Variants in USP31 observed in about 807,000 individuals in gnomAD.
USP31 encodes ubiquitin carboxyl-terminal hydrolase 31.
In USP31, 44 loss-of-function variants were observed where a neutral mutation model predicts 119.4. The observed-to-expected ratio is 0.37, with a 90% confidence interval of 0.29 to 0.47. The LOEUF (loss-of-function observed/expected upper bound fraction) is 0.47, where lower values mean the gene tolerates loss of function less well. Among genes scored for constraint, USP31 ranks in the 20% least tolerant of loss-of-function variants. The pLI is 0.99. For missense variants in USP31, 1,643 were observed against 1,730.2 expected (o/e 0.95, Z 0.89); for synonymous variants, 749 against 705.6 (o/e 1.06, Z -0.97).
At chr16:23,140,004 C>CTCCTT (rs750116295) in intron 1 of USP31, among the ~76,000 whole-genome samples, 72 of 152,098 alleles carry the variant, frequency 4.7e-4, no homozygotes, top group Non-Finnish European at 9.9e-4. Flanking sequence ...ACCTTTCCTC[C>CTCCTT]TCCTTTTCCT....
chr16:23,109,345 G>A (rs1199613805), intron 1 of USP31, among the ~76,000 whole-genome samples: 3 of 152,074 alleles, frequency 2.0e-5, no homozygotes, highest in South Asian at 2.1e-4. Flanking sequence ...AGGGACACAG[G>A]AACCAATCTA....
Position 23,087,762 on chromosome 16 carries a change from T to G in USP31, c.1489A>C (p.Lys497Gln). ...WDLLQKEILE[K>Q]MKYFLRPTVC... is the part of the protein sequence containing the mutation. ...GTGGGCCTCAAGAAATACTTCATCT[T>G]CTCCAAGATTTCCTTCTGCAGAAGG... The change falls in exon 8 of 16, where the codon AAG (lysine) becomes CAG (glutamine). Residue 497 changes from lysine to glutamine, a missense_variant. Around this residue, in one of 5 missense-constraint regions of USP31, gnomAD observed 219 missense variants for 226.4 expected, o/e 0.97. Coordinates refer to ENST00000219689, the MANE Select transcript of USP31 (RefSeq NM_020718.4). The G allele has an allele frequency of 3.7e-6, 6 of 1,614,106 alleles. No homozygotes were observed. The highest frequency in any genetic ancestry group is 5.1e-6 in the Non-Finnish European group (6 of 1,180,022).
At chr16:23,114,493 A>C (rs1034451108) in intron 1 of USP31, among the ~76,000 whole-genome samples, 3 of 152,146 alleles carry the variant, frequency 2.0e-5, no homozygotes, top group Non-Finnish European at 4.4e-5. Flanking sequence ...TAGACATTCC[A>C]AACAAATTAA....
At chr16:23,138,175 T>C (rs1189752435) in intron 1 of USP31, among the ~76,000 whole-genome samples, 1 of 152,200 alleles carries the variant, frequency 6.6e-6, no homozygotes, top group East Asian at 1.9e-4. Flanking sequence ...GTTTACATCG[T>C]TGGTTGGGAA....
chr16:23,104,898 CA>C (rs1486259624), intron 5 of USP31, among the ~76,000 whole-genome samples: 1 of 152,138 alleles, frequency 6.6e-6, no homozygotes, highest in African/African-American at 2.4e-5. Flanking sequence ...ACATTTACCC[CA>C]AAAAGGGATG....
At chr16:23,104,698 C>G (rs1375485378) in intron 5 of USP31, among the ~76,000 whole-genome samples, 3 of 152,222 alleles carry the variant, frequency 2.0e-5, no homozygotes, top group Non-Finnish European at 4.4e-5. Context: ...TACACAGTAG[C>G]TTCCAGAAGC....
chr16:23,141,868 T>A (rs1197658941), intron 1 of USP31, among the ~76,000 whole-genome samples: 1 of 152,204 alleles, frequency 6.6e-6, no homozygotes, highest in African/African-American at 2.4e-5. Context: ...AAAATCAAAT[T>A]TGTAGATGCT....
chr16:23,078,338 A>G (rs978504618), intron 13 of USP31, among the ~76,000 whole-genome samples: 1 of 150,322 alleles, frequency 6.7e-6, no homozygotes, highest in South Asian at 2.1e-4. Context: ...AAAAGTATTT[A>G]TAAAAAATTA....
At chr16:23,130,548 G>A (rs1294566149) in intron 1 of USP31, among the ~76,000 whole-genome samples, 3 of 152,140 alleles carry the variant, frequency 2.0e-5, no homozygotes, top group Non-Finnish European at 4.4e-5. Context: ...AATGAGGGCC[G>A]GAACTACAGG....
In USP31 at chr16:23,067,973, G is replaced by A; in HGVS notation, c.*73C>T. On this transcript the variant is annotated 3_prime_UTR_variant, in exon 16 of 16. Coordinates refer to ENST00000219689, the MANE Select transcript of USP31 (RefSeq NM_020718.4). ...AAAAGTACAAAACAAAAGCACAGGA[G>A]GCTTTGGTGGGAGGGCAGGGGTTCT... The A allele has an allele frequency of 6.6e-7, 1 of 1,517,818 alleles. No individual in the cohort carries two copies. The highest frequency in any genetic ancestry group is 1.3e-5 in the South Asian group (1 of 74,938). The allele number at this position is 1,517,818 out of a possible 1,614,324, so 94.0% of individuals were successfully genotyped here.
chr16:23,068,551 C>T lies in USP31; in HGVS notation c.3554G>A (p.Arg1185Gln), dbSNP rs137891895. ...KPNSPRVSQA[R>Q]AGEGRGAGKH... Reference sequence around the variant, plus strand: ...CCCGGCCCCCCTGCCCTCCCCTGCTCGGGCCTGGCTCACCCGAGGGGAATT... The same window carrying T: ...CCCGGCCCCCCTGCCCTCCCCTGCTTGGGCCTGGCTCACCCGAGGGGAATT... The change falls in exon 16 of 16, where the codon CGA (arginine) becomes CAA (glutamine). Residue 1185 changes from arginine to glutamine, a missense_variant. By Grantham distance (43) the Arg-to-Gln change is conservative. This residue lies in a region of USP31 where 699 missense variants were observed against 650.9 expected (regional missense o/e 1.07). Transcript: ENST00000219689. The T allele has an allele frequency of 2.5e-5, 41 of 1,613,992 alleles. No homozygotes were observed. The African/African-American group carries it at 2.9e-4, about 12-fold the overall frequency.
chr16:23,117,982 T>C (rs1417100992), intron 1 of USP31, among the ~76,000 whole-genome samples: 1 of 152,128 alleles, frequency 6.6e-6, no homozygotes, highest in Non-Finnish European at 1.5e-5. Context: ...AGAGATGGGG[T>C]TTCACCATGT....
intron 1 of USP31, among the ~76,000 whole-genome samples, chr16:23,142,246 T>C (rs958821972): frequency 1.3e-5 from 2 of 152,202 alleles, no homozygotes; most frequent in African/African-American, 4.8e-5. Flanking sequence ...GTGGTAAACA[T>C]CAGCTCAAAG....
Position 23,149,428 on chromosome 16 carries a change from C to A in USP31, c.-158G>T, listed in dbSNP as rs1903658652. ...GCCGAGCCAGCGAGCGAGCGGCGGC[C>A]GGCGGGGCCAGCGGGCGCGCGCGCG... On this transcript the variant is annotated 5_prime_UTR_variant, in exon 1 of 16. Coordinates refer to ENST00000219689, the MANE Select transcript of USP31 (RefSeq NM_020718.4). 6.7e-6 allele frequency among the ~76,000 whole-genome samples: 1 copy of A among 148,164 alleles called. No individual in the cohort carries two copies. The highest frequency in any genetic ancestry group is 2.4e-5 in the African/African-American group (1 of 41,026).
chr16:23,100,530 TG>T (rs1324749530), intron 6 of USP31, among the ~76,000 whole-genome samples: 1 of 151,934 alleles, frequency 6.6e-6, no homozygotes, highest in Non-Finnish European at 1.5e-5. Flanking sequence ...CCCAGCACTT[TG>T]GGAGGCTGAG....
In USP31 at chr16:23,143,595, GA is replaced by G. The variant is rs1449991698; in HGVS notation, c.633+5042del. 4.4e-4 allele frequency among the ~76,000 whole-genome samples: 62 copies of G among 140,044 alleles called. No individual in the cohort carries two copies. The East Asian group carries it at 5.1e-3, about 12-fold the overall frequency. The allele number at this position is 140,044 out of a possible 152,430, so 91.9% of individuals were successfully genotyped here. A position where few individuals can be genotyped will look rare whatever the true frequency, so the allele number is the denominator to read the frequency against. On this transcript the variant is annotated intron_variant, in intron 1 of 15. Coordinates refer to ENST00000219689, the MANE Select transcript of USP31 (RefSeq NM_020718.4). The stretch of plus-strand genomic sequence containing the variant: ...GAGAGAGGGAGAGGTTGGGGGGGGG[GA>G]GAGAGAGAGAAAGAGAGAGCGCGAG...
intron 6 of USP31, 130 bp from the exon 7 acceptor site, chr16:23,090,934 A>C: frequency 1.3e-6 from 1 of 796,456 alleles, no homozygotes. Flanking sequence ...TGCAATCAAA[A>C]AAAGAAACAT....
chr16:23,145,329 C>T (rs1424240342), intron 1 of USP31, among the ~76,000 whole-genome samples: 1 of 152,152 alleles, frequency 6.6e-6, no homozygotes, highest in Non-Finnish European at 1.5e-5. Context: ...TAGCAAGATC[C>T]CCAGGTGAAT....
chr16:23,104,097 T>C (rs757589762), intron 5 of USP31, among the ~76,000 whole-genome samples: 2 of 152,196 alleles, frequency 1.3e-5, no homozygotes, highest in Non-Finnish European at 2.9e-5. Context: ...CCTGCAAACC[T>C]GAACAAGTCA....
Sources: allele counts gnomAD v4.1 joint callset (sites outside exome capture counted in the v4.1 genomes callset), GRCh38; gene constraint gnomAD v4.1.1; regional missense constraint gnomAD v4.1.1; transcripts MANE v1.5; gene names NCBI Gene and HGNC (gene_info 2026-07-23, HGNC 2026-07-21).